Variants in ARSB observed in about 807,000 individuals in gnomAD.
ARSB encodes the protein N-acetylgalactosamine-4-sulfatase.
Under a neutral mutation model 50.9 loss-of-function variants are expected in ARSB, and 41 were observed. The observed-to-expected ratio is 0.81, with a 90% CI of 0.63 to 1.04. The LOEUF (loss-of-function observed/expected upper bound fraction) is 1.04. Ranked by LOEUF, ARSB falls within the 50% of genes least tolerant of loss-of-function variation. The pLI, the probability that ARSB is intolerant of heterozygous loss-of-function variation, is 0.00. For synonymous variants in ARSB, 269 were observed against 284.8 expected (o/e 0.94, Z 0.56); for missense variants, 672 against 693.3 (o/e 0.97, Z 0.35).
At chr5:78,920,146 T>C (rs1001504974) in intron 4 of ARSB, among the ~76,000 whole-genome samples, 3 of 152,210 alleles carry the variant, frequency 2.0e-5, no homozygotes, top group African/African-American at 7.2e-5. Flanking sequence ...GTAACAAGTG[T>C]GTTCTCTGAG....
chr5:78,968,313 A>ATTT (rs1280391977), intron 2 of ARSB, among the ~76,000 whole-genome samples: 9 of 135,446 alleles, frequency 6.6e-5, no homozygotes, highest in South Asian at 2.4e-4. Flanking sequence ...TTCATTTTTT[A>ATTT]TTTTATTATT....
chr5:78,966,095 G>T (rs942882062), intron 2 of ARSB, among the ~76,000 whole-genome samples: 1 of 152,168 alleles, frequency 6.6e-6, no homozygotes. Context: ...ATCACTTCAG[G>T]TTCTTTAACT....
At chr5:78,872,602 T>G in intron 5 of ARSB, among the ~76,000 whole-genome samples, 1 of 130,358 alleles carries the variant, frequency 7.7e-6, no homozygotes, top group East Asian at 2.2e-4. Context: ...CACTCATAGG[T>G]GGGAATTGAA....
At chr5:78,911,130 G>C (rs1020420327) in intron 4 of ARSB, among the ~76,000 whole-genome samples, 1 of 152,170 alleles carries the variant, frequency 6.6e-6, no homozygotes, top group African/African-American at 2.4e-5. Context: ...GTCACACACA[G>C]AGAAAATGGA....
Position 78,791,022 on chromosome 5 carries a change from C to T in ARSB, c.1214-9048G>A, listed in dbSNP as rs1284275977. ...GCCTGCCATTCATTTCTACTGAGTT[C>T]TATTTGTTTTTTATCATTTCACAAT... is the stretch of plus-strand genomic sequence containing the variant. On this transcript the variant is annotated intron_variant, in intron 6 of 7. Transcript: ENST00000264914. Among the ~76,000 whole-genome samples the T allele has an allele frequency of 2.6e-5, 4 of 152,178 alleles. No homozygotes were observed. In the East Asian group the frequency reaches 7.7e-4, roughly 29 times the overall value.
At chr5:78,900,522 C>T (rs749626110) in intron 4 of ARSB, among the ~76,000 whole-genome samples, 14 of 152,064 alleles carry the variant, frequency 9.2e-5, no homozygotes, top group African/African-American at 3.1e-4. Context: ...GACTCGCAGA[C>T]GTGGAAATCT....
intron 5 of ARSB, among the ~76,000 whole-genome samples, chr5:78,860,865 C>T (rs1002753220): frequency 2.0e-5 from 3 of 150,300 alleles, no homozygotes; most frequent in Non-Finnish European, 4.4e-5. Flanking sequence ...AGACCACTAG[C>T]AAGACTAATA....
At chr5:78,849,283 T>A (rs888775602) in intron 5 of ARSB, among the ~76,000 whole-genome samples, 4 of 152,190 alleles carry the variant, frequency 2.6e-5, no homozygotes, top group African/African-American at 9.7e-5. Context: ...TTTCTACATA[T>A]GGCTAGCCAG....
At chr5:78,952,930 T>C (rs989958465) in intron 4 of ARSB, among the ~76,000 whole-genome samples, 11 of 152,212 alleles carry the variant, frequency 7.2e-5, no homozygotes, top group African/African-American at 2.2e-4. Flanking sequence ...ATCTTTTTTT[T>C]AATTGATTCT....
At chr5:78,782,815 C>T (rs1748964394) in intron 6 of ARSB, among the ~76,000 whole-genome samples, 1 of 152,172 alleles carries the variant, frequency 6.6e-6, no homozygotes, top group Non-Finnish European at 1.5e-5. Context: ...TTAATCCTCA[C>T]CATTGATCTT....
intron 4 of ARSB, among the ~76,000 whole-genome samples, chr5:78,911,389 C>A (rs1180018850): frequency 1.3e-5 from 2 of 151,736 alleles, no homozygotes; most frequent in Non-Finnish European, 2.9e-5. Context: ...GCCTGGCCAA[C>A]ATGGTGAAAC....
At chr5:78,813,741 G>A (rs912934712) in intron 6 of ARSB, among the ~76,000 whole-genome samples, 3 of 152,016 alleles carry the variant, frequency 2.0e-5, no homozygotes, top group African/African-American at 7.2e-5. Context: ...GGAGGACAGA[G>A]GGAGACCCTG....
At chr5:78,796,909 G>C (rs1469252706) in intron 6 of ARSB, among the ~76,000 whole-genome samples, 4 of 123,974 alleles carry the variant, frequency 3.2e-5, no homozygotes, top group Middle Eastern at 6.9e-3. Context: ...ACAGAGTCTC[G>C]CTCTGTCGCC....
At chr5:78,978,806 C>T (rs1029042570) in intron 1 of ARSB, among the ~76,000 whole-genome samples, 17 of 152,288 alleles carry the variant, frequency 1.1e-4, no homozygotes, top group African/African-American at 3.1e-4. Context: ...CATCCACATA[C>T]CTCAAATTGT....
chr5:78,885,437 G>T, intron 5 of ARSB, 147 bp downstream of exon 5: 3 of 1,122,456 alleles, frequency 2.7e-6, no homozygotes, highest in Non-Finnish European at 3.7e-6. Context: ...TACTTACAAT[G>T]TCTCTAAAGG....
intron 5 of ARSB, among the ~76,000 whole-genome samples, chr5:78,848,632 G>T (rs189251052): frequency 2.0e-5 from 3 of 151,944 alleles, no homozygotes; most frequent in Non-Finnish European, 2.9e-5. Flanking sequence ...CTAGATCCCT[G>T]AGGAATCATC....
intron 6 of ARSB, among the ~76,000 whole-genome samples, chr5:78,793,605 T>C (rs1743063625): frequency 6.6e-6 from 1 of 152,096 alleles, no homozygotes; most frequent in Non-Finnish European, 1.5e-5. Flanking sequence ...AGCTGAGAAG[T>C]GTCTTGATCC....
At chr5:78,947,112 A>G (rs372836796) in intron 4 of ARSB, among the ~76,000 whole-genome samples, 59 of 152,312 alleles carry the variant, frequency 3.9e-4, no homozygotes, top group African/African-American at 1.3e-3. Flanking sequence ...ATCTCTCACC[A>G]TATAGAAAAA....
At chr5:78,831,632 C>T (rs1744690180) in intron 6 of ARSB, among the ~76,000 whole-genome samples, 1 of 152,112 alleles carries the variant, frequency 6.6e-6, no homozygotes, top group Admixed American at 6.5e-5. Flanking sequence ...ATGTACATGC[C>T]GGGTCTGAAC....
Sources: allele counts gnomAD v4.1 joint callset (sites outside exome capture counted in the v4.1 genomes callset), GRCh38; gene constraint gnomAD v4.1.1; transcripts MANE v1.5; gene names NCBI Gene and HGNC (gene_info 2026-07-23, HGNC 2026-07-21).